Variants in DIPK1A observed in about 807,000 individuals in gnomAD.
DIPK1A encodes the protein divergent protein kinase domain 1A.
Under a neutral mutation model 40.8 loss-of-function variants are expected in DIPK1A, and 27 were observed. The ratio of observed to expected loss-of-function variants is 0.66; its 90% CI spans 0.49 to 0.91. DIPK1A has a LOEUF of 0.91. DIPK1A is among the 40% of genes least tolerant of loss of function. The probability of loss-of-function intolerance (pLI) is 0.00; values close to 1 mark genes in which losing one functional copy is unlikely to be tolerated. For synonymous variants in DIPK1A, 166 were observed against 171.3 expected (o/e 0.97, Z 0.24); for missense variants, 412 against 505.7 (o/e 0.81, Z 1.78).
At chr1:92,894,081 T>G (rs1476408478) in intron 1 of DIPK1A, among the ~76,000 whole-genome samples, 1 of 152,020 alleles carries the variant, frequency 6.6e-6, no homozygotes, top group African/African-American at 2.4e-5. Context: ...ACTGTCAACA[T>G]TAGACAGATC....
intron 4 of DIPK1A, chr1:92,834,910 C>T (rs1434128733): frequency 5.0e-6 from 8 of 1,600,770 alleles, no homozygotes; most frequent in Non-Finnish European, 6.8e-6. Context: ...TGCTGGCCCG[C>T]AGGGTATGTA....
At chr1:92,886,337 A>C (rs902624385) in intron 1 of DIPK1A, among the ~76,000 whole-genome samples, 1 of 152,068 alleles carries the variant, frequency 6.6e-6, no homozygotes, top group African/African-American at 2.4e-5. Flanking sequence ...TCTAAAAAAA[A>C]AATTGATATT....
At chr1:92,916,278 A>T (rs1161428731) in intron 1 of DIPK1A, among the ~76,000 whole-genome samples, 1 of 149,526 alleles carries the variant, frequency 6.7e-6, no homozygotes, top group African/African-American at 2.5e-5. Context: ...TCTTAAAAAA[A>T]TGATCAGATT....
downstream of DIPK1A, chr1:92,841,629 G>C (rs1327827728): frequency 1.9e-6 from 1 of 520,140 alleles, no homozygotes; most frequent in African/African-American, 2.0e-5. Flanking sequence ...AAATGTATTT[G>C]AACTTGGATT....
chr1:92,866,302 A>G (rs1647540528), intron 2 of DIPK1A, among the ~76,000 whole-genome samples: 2 of 152,132 alleles, frequency 1.3e-5, no homozygotes, highest in Non-Finnish European at 2.9e-5. Flanking sequence ...GGTTTTCACC[A>G]TGTTGGCCAG....
At chr1:92,845,238 C>T (rs1687550218) in intron 4 of DIPK1A, among the ~76,000 whole-genome samples, 2 of 150,284 alleles carry the variant, frequency 1.3e-5, no homozygotes, top group South Asian at 4.2e-4. Flanking sequence ...TGAGCCACCG[C>T]GCCCGGCCTA....
At chr1:92,858,587 A>T (rs960390775) in intron 2 of DIPK1A, among the ~76,000 whole-genome samples, 1 of 151,546 alleles carries the variant, frequency 6.6e-6, no homozygotes, top group Non-Finnish European at 1.5e-5. Flanking sequence ...TTTTTTTTTT[A>T]AAGCACAAAC....
chr1:92,907,763 T>C (rs2100831531), intron 1 of DIPK1A, among the ~76,000 whole-genome samples: 1 of 152,296 alleles, frequency 6.6e-6, no homozygotes, highest in East Asian at 1.9e-4. Context: ...TTAATAGGGA[T>C]GAGGCTTACA....
intron 1 of DIPK1A, among the ~76,000 whole-genome samples, chr1:92,938,341 C>T (rs1176080887): frequency 6.6e-6 from 1 of 151,878 alleles, no homozygotes; most frequent in East Asian, 1.9e-4. Context: ...ACTTGTAGTC[C>T]CAGCTAGTCT....
At chr1:92,909,656 C>T (rs957830406) in intron 1 of DIPK1A, among the ~76,000 whole-genome samples, 1 of 152,122 alleles carries the variant, frequency 6.6e-6, no homozygotes, top group African/African-American at 2.4e-5. Flanking sequence ...TAAGCCCAAG[C>T]GAAGATGTTC....
At chr1:92,900,328 C>T (rs572450412) in intron 1 of DIPK1A, among the ~76,000 whole-genome samples, 1 of 151,836 alleles carries the variant, frequency 6.6e-6, no homozygotes, top group African/African-American at 2.4e-5. Flanking sequence ...TTCCCCCTGA[C>T]TGGGTAATTT....
chr1:92,860,999 G>A (rs1401141256), intron 2 of DIPK1A, among the ~76,000 whole-genome samples: 2 of 151,962 alleles, frequency 1.3e-5, no homozygotes, highest in Non-Finnish European at 2.9e-5. Flanking sequence ...ATCAAACATC[G>A]GTGGATTCAG....
chr1:92,938,681 C>T (rs1279578999), intron 1 of DIPK1A, among the ~76,000 whole-genome samples: 1 of 152,052 alleles, frequency 6.6e-6, no homozygotes, highest in Non-Finnish European at 1.5e-5. Flanking sequence ...ATTTTATGAG[C>T]AGGCTAAAGA....
chr1:92,902,271 C>T (rs893222828), intron 1 of DIPK1A, among the ~76,000 whole-genome samples: 1 of 152,154 alleles, frequency 6.6e-6, no homozygotes, highest in Non-Finnish European at 1.5e-5. Flanking sequence ...GCCCAAAGGG[C>T]AGGGTAAGGG....
At chr1:92,881,426 T>C (rs1277923105) in intron 1 of DIPK1A, among the ~76,000 whole-genome samples, 7 of 151,740 alleles carry the variant, frequency 4.6e-5, no homozygotes, top group Non-Finnish European at 8.8e-5. Context: ...ATAGAAAGAA[T>C]CTGAATTATT....
chr1:92,898,280 G>A (rs951037754), intron 1 of DIPK1A, among the ~76,000 whole-genome samples: 1 of 152,102 alleles, frequency 6.6e-6, no homozygotes, highest in Non-Finnish European at 1.5e-5. Flanking sequence ...GGTGAAGAGA[G>A]CAACGGGGGA....
chr1:92,865,729 C>T (rs1321165380), intron 2 of DIPK1A, among the ~76,000 whole-genome samples: 1 of 152,308 alleles, frequency 6.6e-6, no homozygotes, highest in East Asian at 1.9e-4. Context: ...CAAAATTAAT[C>T]TCAGTTCTGG....
At chr1:92,879,047 G>T (rs574357294) in intron 1 of DIPK1A, among the ~76,000 whole-genome samples, 1 of 151,974 alleles carries the variant, frequency 6.6e-6, no homozygotes, top group South Asian at 2.1e-4. Context: ...AAGCATAGTG[G>T]CTCATGCCTG....
chr1:92,871,911 C>T (rs1647881266), intron 2 of DIPK1A, among the ~76,000 whole-genome samples: 1 of 151,998 alleles, frequency 6.6e-6, no homozygotes, highest in African/African-American at 2.4e-5. Flanking sequence ...ATGAATAATG[C>T]TACTGTGAAC....
Sources: allele counts gnomAD v4.1 joint callset (sites outside exome capture counted in the v4.1 genomes callset), GRCh38; gene constraint gnomAD v4.1.1; transcripts MANE v1.5; gene names NCBI Gene and HGNC (gene_info 2026-07-23, HGNC 2026-07-21).